Variants in GABPB1 observed in about 807,000 individuals in gnomAD.
GABPB1 encodes GA binding protein transcription factor subunit beta 1.
A neutral mutation model predicts 45.9 loss-of-function variants in GABPB1; 15 were observed. The observed-to-expected ratio is 0.33, with a 90% CI of 0.22 to 0.50. The LOEUF is 0.50. Ranked by LOEUF, GABPB1 falls within the 20% of genes least tolerant of loss-of-function variation. GABPB1 has a pLI of 0.98. For missense variants in GABPB1, 252 were observed against 457.5 expected, an observed-to-expected ratio of 0.55 and a Z score of 4.10; for synonymous variants, 143 against 154.4, an observed-to-expected ratio of 0.93 and a Z score of 0.55.
intron 1 of GABPB1, among the ~76,000 whole-genome samples, chr15:50,324,157 T>A (rs978788366): frequency 1.3e-5 from 2 of 152,054 alleles, no homozygotes; most frequent in Non-Finnish European, 2.9e-5. Flanking sequence ...TGAGCTGTGA[T>A]TGCACCACTG....
At chr15:50,317,863 C>T (rs1298510451) in intron 1 of GABPB1, among the ~76,000 whole-genome samples, 2 of 149,612 alleles carry the variant, frequency 1.3e-5, no homozygotes, top group Non-Finnish European at 3.0e-5. Context: ...GAGCCGAGAT[C>T]GCGCCACCGC....
chr15:50,305,514 G>C (rs1374683886), intron 2 of GABPB1, among the ~76,000 whole-genome samples: 1 of 151,842 alleles, frequency 6.6e-6, no homozygotes, highest in African/African-American at 2.4e-5. Flanking sequence ...AACAAACCCA[G>C]CTAAACCTTA....
At chr15:50,307,823 G>A (rs2046999133) in intron 2 of GABPB1, among the ~76,000 whole-genome samples, 1 of 152,084 alleles carries the variant, frequency 6.6e-6, no homozygotes, top group South Asian at 2.1e-4. Flanking sequence ...AAATCTGTGG[G>A]CTGCCATCTT....
At chr15:50,296,360 G>T (rs974517254) in intron 6 of GABPB1, among the ~76,000 whole-genome samples, 19 of 151,842 alleles carry the variant, frequency 1.3e-4, no homozygotes, top group Non-Finnish European at 2.5e-4. Context: ...CCTATTACTA[G>T]AAAAAGCTAT....
intron 1 of GABPB1, among the ~76,000 whole-genome samples, chr15:50,337,099 A>ATG (rs1479692887): frequency 4.1e-4 from 2 of 4,922 alleles, no homozygotes; most frequent in African/African-American, 4.8e-3. Context: ...ATATATATAT[A>ATG]TATATATATA....
intron 1 of GABPB1, chr15:50,347,574 G>A (rs1458694068): frequency 6.6e-6 from 1 of 152,086 alleles, no homozygotes; most frequent in Non-Finnish European, 1.5e-5. Context: ...CATGGGAAGT[G>A]CTGTGGAAAT....
chr15:50,281,398 A>C (rs181176815), intron 8 of GABPB1, among the ~76,000 whole-genome samples: 2 of 152,106 alleles, frequency 1.3e-5, no homozygotes, highest in East Asian at 3.9e-4. Flanking sequence ...TTTTTAGTAG[A>C]GACGGGGTTT....
At chr15:50,320,253 C>T (rs908963179) in intron 1 of GABPB1, among the ~76,000 whole-genome samples, 1 of 152,134 alleles carries the variant, frequency 6.6e-6, no homozygotes, top group Non-Finnish European at 1.5e-5. Flanking sequence ...CTGCAACCTC[C>T]GCCTCCCTGG....
chr15:50,291,698 T>G (rs1354904589), intron 6 of GABPB1, among the ~76,000 whole-genome samples: 3 of 151,688 alleles, frequency 2.0e-5, no homozygotes, highest in Non-Finnish European at 1.5e-5. Flanking sequence ...GGCAGGATGA[T>G]CACTTGAGCC....
intron 8 of GABPB1, among the ~76,000 whole-genome samples, chr15:50,284,626 G>T (rs1053441244): frequency 6.6e-6 from 1 of 152,096 alleles, no homozygotes; most frequent in Admixed American, 6.6e-5. Flanking sequence ...GTAAATAAAG[G>T]TATAGGCTGC....
chr15:50,302,621 G>A (rs1274881359), intron 4 of GABPB1, among the ~76,000 whole-genome samples: 1 of 128,894 alleles, frequency 7.8e-6, no homozygotes, highest in East Asian at 2.0e-4. Context: ...TCCAGCCTGG[G>A]GGACAGATCA....
chr15:50,283,459 T>G (rs1204502861), intron 8 of GABPB1, among the ~76,000 whole-genome samples: 3 of 152,000 alleles, frequency 2.0e-5, no homozygotes, highest in African/African-American at 7.2e-5. Context: ...CCAGAGACTC[T>G]TGGCAAACCT....
chr15:50,293,101 T>G (rs2046405596), intron 6 of GABPB1, among the ~76,000 whole-genome samples: 2 of 150,532 alleles, frequency 1.3e-5, no homozygotes, highest in South Asian at 4.2e-4. Flanking sequence ...TTACAAAAAG[T>G]GTAATTTTAC....
intron 5 of GABPB1, 54 bp downstream of exon 5, chr15:50,301,203 C>T: frequency 6.2e-7 from 1 of 1,608,662 alleles, no homozygotes; most frequent in Non-Finnish European, 8.5e-7. Flanking sequence ...AAAGCCTATC[C>T]TATATGCATC....
chr15:50,322,111 T>C (rs1190449507), intron 1 of GABPB1, among the ~76,000 whole-genome samples: 1 of 152,180 alleles, frequency 6.6e-6, no homozygotes, highest in Non-Finnish European at 1.5e-5. Context: ...CCAGTTAGCA[T>C]AGAAAAATCT....
chr15:50,349,636 C>A (rs915813460), intron 1 of GABPB1: 1 of 152,142 alleles, frequency 6.6e-6, no homozygotes, highest in African/African-American at 2.4e-5. Context: ...TGTTTCTCTA[C>A]TCAATTGATA....
At position 50,337,075 on chromosome 15, in the gene GABPB1, G is replaced by GTATATATATA. The variant is rs869106382; in HGVS notation, c.-1+17900_-1+17909dup. Reference sequence around the variant, plus strand: ...GAAAAAATTACATGTATATGTGTGTGTATATATATATATATATATATATAT... The same window carrying GTATATATATA: ...GAAAAAATTACATGTATATGTGTGTGTATATATATATATATATATATATATATATATATAT... On this transcript the variant is annotated intron_variant, in intron 1 of 8. Coordinates refer to ENST00000380877, the MANE Select transcript of GABPB1 (RefSeq NM_016654.5). 5.9e-3 allele frequency among the ~76,000 whole-genome samples: 83 copies of GTATATATATA among 14,080 alleles called. 1 individual carries two copies. The highest frequency in any genetic ancestry group is 8.9e-3 in the Non-Finnish European group (66 of 7,382). 9.2% of individuals were successfully genotyped at this position (14,080 alleles called of 152,430 possible).
intron 1 of GABPB1, among the ~76,000 whole-genome samples, chr15:50,328,227 C>G (rs1400168682): frequency 1.3e-5 from 2 of 151,440 alleles, no homozygotes; most frequent in African/African-American, 4.9e-5. Flanking sequence ...TTGCTTCATC[C>G]TATTCCTTTC....
At chr15:50,328,171 T>C (rs1319456214) in intron 1 of GABPB1, among the ~76,000 whole-genome samples, 14 of 151,974 alleles carry the variant, frequency 9.2e-5, no homozygotes, top group Non-Finnish European at 1.6e-4. Context: ...ATTATACACA[T>C]ACCTATATAC....
Sources: allele counts gnomAD v4.1 joint callset (sites outside exome capture counted in the v4.1 genomes callset), GRCh38; gene constraint gnomAD v4.1.1; transcripts MANE v1.5; gene names NCBI Gene and HGNC (gene_info 2026-07-23, HGNC 2026-07-21).